The following TFEC variants were observed in gnomAD, a reference collection of about 807,000 sequenced individuals.
TFEC encodes the protein class E basic helix-loop-helix protein 34.
TFEC carries 31 observed loss-of-function variants against 41.6 expected under a neutral mutation model. The ratio of observed to expected loss-of-function variants is 0.74; its 90% confidence interval spans 0.56 to 1.01. TFEC has a LOEUF of 1.01. Ranked by LOEUF, TFEC falls within the 50% of genes least tolerant of loss-of-function variation. The probability of loss-of-function intolerance (pLI) is 0.00; values close to 1 mark genes in which losing one functional copy is unlikely to be tolerated. For missense variants in TFEC, 402 were observed against 404.1 expected (o/e 0.99, Z 0.04); for synonymous variants, 143 against 140.6 (o/e 1.02, Z -0.12).
intron 4 of TFEC, 36 bp downstream of exon 4, chr7:115,956,643 A>G: frequency 6.7e-7 from 1 of 1,487,976 alleles, no homozygotes; most frequent in African/African-American, 1.4e-5. Context: ...GTCATTAATA[A>G]AAATAAAAAG....
At chr7:116,153,400 A>G (rs1485762996) in intron 1 of TFEC, among the ~76,000 whole-genome samples, 1 of 152,194 alleles carries the variant, frequency 6.6e-6, no homozygotes, top group East Asian at 1.9e-4. Flanking sequence ...ATCTACAGGC[A>G]TGAGCCACCA....
intron 3 of TFEC, among the ~76,000 whole-genome samples, chr7:116,094,162 T>G (rs1797394121): frequency 6.6e-6 from 1 of 152,190 alleles, no homozygotes; most frequent in South Asian, 2.1e-4. Context: ...TAATCTTGAT[T>G]CCTGAGTGTG....
chr7:116,105,696 G>A (rs1216074394), intron 3 of TFEC, among the ~76,000 whole-genome samples: 3 of 152,132 alleles, frequency 2.0e-5, no homozygotes, highest in South Asian at 2.1e-4. Flanking sequence ...GAAGCATCTC[G>A]GAGGTAGCCA....
At chr7:116,095,381 G>T (rs1388143902) in intron 3 of TFEC, among the ~76,000 whole-genome samples, 1 of 152,166 alleles carries the variant, frequency 6.6e-6, no homozygotes. Flanking sequence ...AGGTGACATT[G>T]TAGCAAATGT....
chr7:116,125,774 C>G (rs552158293), intron 1 of TFEC, among the ~76,000 whole-genome samples: 1 of 152,042 alleles, frequency 6.6e-6, no homozygotes, highest in Non-Finnish European at 1.5e-5. Flanking sequence ...TTGGTGCCTC[C>G]GGGGATTGGA....
chr7:116,103,201 G>A (rs1797642410), intron 3 of TFEC, among the ~76,000 whole-genome samples: 1 of 152,166 alleles, frequency 6.6e-6, no homozygotes, highest in Non-Finnish European at 1.5e-5. Flanking sequence ...GAGCCCCAGG[G>A]AAGCAGAGCA....
At chr7:116,007,043 C>T (rs1251727866) in intron 1 of TFEC, among the ~76,000 whole-genome samples, 2 of 152,162 alleles carry the variant, frequency 1.3e-5, no homozygotes, top group Non-Finnish European at 2.9e-5. Context: ...GTAAATTTCC[C>T]AGTGTTGGGT....
chr7:115,973,287 T>C (rs1379243105), intron 3 of TFEC, among the ~76,000 whole-genome samples: 1 of 151,972 alleles, frequency 6.6e-6, no homozygotes, highest in Non-Finnish European at 1.5e-5. Context: ...TCCACCATTT[T>C]TTTTCTAGGC....
intron 1 of TFEC, among the ~76,000 whole-genome samples, chr7:115,992,196 C>T (rs1438551258): frequency 1.3e-5 from 2 of 152,192 alleles, no homozygotes; most frequent in Non-Finnish European, 2.9e-5. Flanking sequence ...CTCTGGGACA[C>T]ATTTAAAGCA....
At chr7:116,025,556 C>T (rs1221287960) in intron 1 of TFEC, among the ~76,000 whole-genome samples, 1 of 152,112 alleles carries the variant, frequency 6.6e-6, no homozygotes, top group Non-Finnish European at 1.5e-5. Flanking sequence ...ACTCTCCACA[C>T]TAGATATTAA....
chr7:115,954,732 A>T, intron 4 of TFEC, 90 bp from the exon 5 acceptor site: 1 of 963,226 alleles, frequency 1.0e-6, no homozygotes, highest in South Asian at 1.6e-5. Flanking sequence ...GGTGAAAATA[A>T]AATATTATTT....
intron 5 of TFEC, among the ~76,000 whole-genome samples, chr7:115,953,818 G>C (rs1244536590): frequency 6.6e-6 from 1 of 152,024 alleles, no homozygotes; most frequent in Non-Finnish European, 1.5e-5. Context: ...TCACAAGTAC[G>C]TGTATACTCA....
chr7:115,996,495 C>T (rs886916023), intron 1 of TFEC, among the ~76,000 whole-genome samples: 2 of 151,906 alleles, frequency 1.3e-5, no homozygotes, highest in African/African-American at 4.8e-5. Flanking sequence ...TGTGATCCAA[C>T]GTATTCCCAG....
At position 115,940,914 on chromosome 7, in the gene TFEC, A is replaced by C; in HGVS notation, c.681T>G (p.Ala227=). ...LLRIQELEIQ[A]RTHGLPTLAS... ...CCAGGGTTGGCAGACCATGAGTACG[A>C]GCCTGAATTTCTAGTTCCTGTAATT... The change falls in exon 8 of 8, where the codon GCT becomes GCG. Residue 227 remains alanine (A), a synonymous_variant. Coordinates refer to ENST00000265440, the MANE Select transcript of TFEC (RefSeq NM_012252.4). The C allele has an allele frequency of 6.4e-7, 1 of 1,574,456 alleles. No homozygotes were observed. Among genetic ancestry groups the C allele is most frequent in the South Asian group, 1.2e-5 (1 of 86,464 alleles).
At chr7:115,953,960 A>C (rs1415539596) in intron 5 of TFEC, among the ~76,000 whole-genome samples, 1 of 152,084 alleles carries the variant, frequency 6.6e-6, no homozygotes, top group Non-Finnish European at 1.5e-5. Context: ...CTTCACACTC[A>C]ATTAGTCAAG....
At chr7:116,048,337 C>T (rs548674391) in intron 3 of TFEC, among the ~76,000 whole-genome samples, 101 of 152,320 alleles carry the variant, frequency 6.6e-4, no homozygotes, top group African/African-American at 2.4e-3. Flanking sequence ...GTTGCACACA[C>T]AAGCTTCAGT....
intron 3 of TFEC, among the ~76,000 whole-genome samples, chr7:115,960,457 T>C (rs528938429): frequency 6.6e-6 from 1 of 151,726 alleles, no homozygotes; most frequent in East Asian, 1.9e-4. Context: ...ATAAAATTGA[T>C]CGAATATCTT....
chr7:115,969,654 T>C (rs1345420061), intron 3 of TFEC, among the ~76,000 whole-genome samples: 1 of 151,946 alleles, frequency 6.6e-6, no homozygotes, highest in African/African-American at 2.4e-5. Context: ...GTTAATAAAA[T>C]GTTAAGCAAG....
intron 3 of TFEC, among the ~76,000 whole-genome samples, chr7:116,056,926 T>C (rs1420748329): frequency 1.3e-5 from 2 of 152,046 alleles, no homozygotes; most frequent in African/African-American, 4.8e-5. Context: ...TTATAACAAC[T>C]GTATTCCATA....
Sources: gnomAD v4.1 joint callset for allele counts (sites outside exome capture counted in the v4.1 genomes callset) on GRCh38, gnomAD v4.1.1 for gene constraint, MANE v1.5 for transcripts, NCBI Gene and HGNC (gene_info 2026-07-23, HGNC 2026-07-21) for gene names.